Variants in TMPRSS15 observed in about 807,000 individuals in gnomAD.
TMPRSS15 encodes the protein transmembrane serine protease 15, also known as enteropeptidase.
Under a neutral mutation model 125.3 loss-of-function variants are expected in TMPRSS15, and 128 were observed. That is an observed-to-expected ratio of 1.02 (90% confidence interval 0.89 to 1.18). TMPRSS15 has a LOEUF of 1.18. TMPRSS15 is among the 50% of genes most tolerant of loss of function. The pLI is 0.00. For synonymous variants in TMPRSS15, 446 were observed against 423.2 expected, an observed-to-expected ratio of 1.05 and a Z score of -0.66; for missense variants, 1,283 against 1,212.7, an observed-to-expected ratio of 1.06 and a Z score of -0.86.
chr21:18,353,405 TAA>T (rs1280793558), intron 9 of TMPRSS15, among the ~76,000 whole-genome samples: 3 of 151,902 alleles, frequency 2.0e-5, no homozygotes, highest in African/African-American at 2.4e-5. Context: ...TGATCCAAAT[TAA>T]GTTTATGTAG....
chr21:18,339,228 A>G (rs77456189), intron 13 of TMPRSS15, among the ~76,000 whole-genome samples: 16 of 152,324 alleles, frequency 1.1e-4, no homozygotes, highest in African/African-American at 3.8e-4. Context: ...AAGCATCTAA[A>G]CATGTTAATA....
rs2122954885 is a variant in TMPRSS15 at position 18,464,780 on chromosome 21, C to A, written c.10+21019G>T. Among the ~76,000 whole-genome samples, 22 of 152,166 alleles carry A rather than the reference C, an allele frequency of 1.4e-4. No individual in the cohort carries two copies. The Middle Eastern group carries it at 0.01, about 71-fold the overall frequency. On this transcript the variant is annotated intron_variant, in intron 1 of 7. Coordinates refer to the TMPRSS15 transcript ENST00000422787. Reference sequence around the variant, plus strand: ...GAGGCAGTAATTAATAGCCTACCAACCAAAAAAAGCCCAGGACCAGATGGA... The same window carrying A: ...GAGGCAGTAATTAATAGCCTACCAAACAAAAAAAGCCCAGGACCAGATGGA...
At position 18,397,956 on chromosome 21, in the gene TMPRSS15, T is replaced by C; in HGVS notation, c.277-10A>G. On this transcript the variant is annotated splice_polypyrimidine_tract_variant and intron_variant, in intron 2 of 24. Coordinates refer to ENST00000284885, the MANE Select transcript of TMPRSS15 (RefSeq NM_002772.3). ...GAAAGATCTCATCTATCTAGAAAAA[T>C]ATAAAAGATTGAATGAGTATACTAA... The C allele has an allele frequency of 1.4e-6, 2 of 1,453,166 alleles. No individual in the cohort carries two copies. The highest frequency in any genetic ancestry group is 1.9e-6 in the Non-Finnish European group (2 of 1,052,178). 90.0% of individuals were successfully genotyped at this position (1,453,166 alleles called of 1,614,324 possible).
intron 1 of TMPRSS15, among the ~76,000 whole-genome samples, chr21:18,402,712 A>G (rs1328726996): frequency 6.6e-6 from 1 of 152,184 alleles, no homozygotes; most frequent in Admixed American, 6.5e-5. Flanking sequence ...TATAAGTTCC[A>G]GAGCGGGATT....
At chr21:18,274,551 T>C (rs1238362928) in intron 24 of TMPRSS15, among the ~76,000 whole-genome samples, 1 of 152,226 alleles carries the variant, frequency 6.6e-6, no homozygotes, top group Admixed American at 6.5e-5. Context: ...TTCAAATTTA[T>C]TGCAATATTG....
rs1045236159 is a variant in TMPRSS15 at position 18,278,891 on chromosome 21, G to C, written c.2764+73C>G. The C allele has an allele frequency of 5.0e-6, 4 of 795,884 alleles. No homozygotes were observed. The Admixed American group carries it at 9.7e-5, about 19-fold the overall frequency. 49.3% of individuals were successfully genotyped at this position (795,884 alleles called of 1,614,324 possible). ...TGCAAAGATGTTGAAAGCATTCACA[G>C]GATATTATGACAGTCTGTTTTTCAC... On this transcript the variant is annotated intron_variant, in intron 23 of 24. Transcript: ENST00000284885.
In TMPRSS15 at chr21:18,474,073, A is replaced by G. The variant is rs547469883; in HGVS notation, c.10+11726T>C. Among the ~76,000 whole-genome samples, 4 of 152,222 alleles carry G rather than the reference A, an allele frequency of 2.6e-5. No individual in the cohort carries two copies. In the South Asian group the frequency reaches 8.3e-4, roughly 32 times the overall value. On this transcript the variant is annotated intron_variant, in intron 1 of 7. Transcript: ENST00000422787. The stretch of plus-strand genomic sequence containing the variant: ...TCAATGCTCCTACTTTCAAAGGGGC[A>G]GTTTTTCACTACACTGTCATCCTTT...
rs535339739 is a variant in TMPRSS15 at position 18,326,686 on chromosome 21, G to T, written c.1781-114C>A. 3 of 1,182,990 alleles carry T rather than the reference G, an allele frequency of 2.5e-6. No individual in the cohort carries two copies. The Admixed American group carries it at 5.6e-5, about 22-fold the overall frequency. The allele number at this position is 1,182,990 out of a possible 1,614,324, so 73.3% of individuals were successfully genotyped here. A position where few individuals can be genotyped will look rare whatever the true frequency, so the allele number is the denominator to read the frequency against. ...CGTAGGGCTACATGTTACATGGCTC[G>T]CTCATAGAGCAGCCACAAGTAAATG... On this transcript the variant is annotated intron_variant, in intron 15 of 24. Transcript: ENST00000284885.
chr21:18,402,481 A>G (rs2076103965), intron 1 of TMPRSS15, among the ~76,000 whole-genome samples: 1 of 145,528 alleles, frequency 6.9e-6, no homozygotes, highest in South Asian at 2.2e-4. Context: ...GTGAGCCGAG[A>G]TCGTGCCACT....
At chr21:18,470,866 A>G (rs951628187) in intron 1 of TMPRSS15, among the ~76,000 whole-genome samples, 1 of 152,070 alleles carries the variant, frequency 6.6e-6, no homozygotes, top group Non-Finnish European at 1.5e-5. Flanking sequence ...TTCCATGGAG[A>G]TATTTTCCTC....
In TMPRSS15 at chr21:18,342,685, C is replaced by T. The variant is rs76495250; in HGVS notation, c.1428+821G>A. On this transcript the variant is annotated intron_variant, in intron 12 of 24. Coordinates refer to ENST00000284885, the MANE Select transcript of TMPRSS15 (RefSeq NM_002772.3). ...TCAGAAAACAAAATTGGAGAGGAAACGTCCCATAAAAGGATCAAAGAAGAA... is the reference window on the plus strand; with the variant it reads ...TCAGAAAACAAAATTGGAGAGGAAATGTCCCATAAAAGGATCAAAGAAGAA... Among the ~76,000 whole-genome samples the T allele has an allele frequency of 1.4e-3, 206 of 151,718 alleles. 1 individual carries two copies. Among genetic ancestry groups the T allele is most frequent in the African/African-American group, 4.5e-3 (187 of 41,330 alleles).
At chr21:18,485,736 T>G (rs1247652335) in intron 1 of TMPRSS15, 2 of 80,144 alleles carry the variant, frequency 2.5e-5, no homozygotes, top group African/African-American at 1.2e-4. Context: ...GTTCTCACAC[T>G]GCTAATAAAG....
chr21:18,464,602 C>G lies in TMPRSS15; in HGVS notation c.10+21197G>C, dbSNP rs1448714604. ...TATCACCACCAACCCCATAGAAATA[C>G]AAACTACCATCAGAGAATAGTATAA... On this transcript the variant is annotated intron_variant, in intron 1 of 7. Transcript: ENST00000422787. Among the ~76,000 whole-genome samples the G allele has an allele frequency of 2.0e-5, 3 of 152,098 alleles. No individual in the cohort carries two copies. In the East Asian group the frequency reaches 5.8e-4, roughly 29 times the overall value.
At chr21:18,327,897 C>CA (rs2075308775) in intron 15 of TMPRSS15, among the ~76,000 whole-genome samples, 1 of 151,868 alleles carries the variant, frequency 6.6e-6, no homozygotes, top group Non-Finnish European at 1.5e-5. Context: ...ACTAAAAATA[C>CA]AAAAAATTAG....
intron 7 of TMPRSS15, among the ~76,000 whole-genome samples, chr21:18,362,334 G>A (rs955320203): frequency 3.3e-5 from 5 of 152,118 alleles, no homozygotes; most frequent in Admixed American, 2.6e-4. Flanking sequence ...TGGTGTGCCT[G>A]GGCAAGAATA....
At chr21:18,385,377 T>C (rs1472738392) in intron 3 of TMPRSS15, among the ~76,000 whole-genome samples, 1 of 152,208 alleles carries the variant, frequency 6.6e-6, no homozygotes, top group Non-Finnish European at 1.5e-5. Context: ...CCATTTTTTT[T>C]AGGAAAGGTG....
chr21:18,427,976 G>A (rs1266423226), intron 1 of TMPRSS15, among the ~76,000 whole-genome samples: 3 of 152,174 alleles, frequency 2.0e-5, no homozygotes, highest in African/African-American at 7.2e-5. Flanking sequence ...TCATAAGAAA[G>A]TGAAAGAACC....
At chr21:18,316,348 GCA>G (rs1330765440) in intron 16 of TMPRSS15, among the ~76,000 whole-genome samples, 2 of 152,152 alleles carry the variant, frequency 1.3e-5, no homozygotes, top group African/African-American at 4.8e-5. Context: ...TGTTACTCAA[GCA>G]CAGAGAGGTC....
intron 1 of TMPRSS15, among the ~76,000 whole-genome samples, chr21:18,417,896 C>T (rs1435454972): frequency 6.6e-6 from 1 of 152,086 alleles, no homozygotes; most frequent in Non-Finnish European, 1.5e-5. Flanking sequence ...CACAAACATA[C>T]ATATATTCAC....
Sources: gnomAD v4.1 joint callset for allele counts (sites outside exome capture counted in the v4.1 genomes callset) on GRCh38, gnomAD v4.1.1 for gene constraint, MANE v1.5 for transcripts, NCBI Gene and HGNC (gene_info 2026-07-23, HGNC 2026-07-21) for gene names.